The following S100A7A variants were observed in gnomAD, a reference collection of about 807,000 sequenced individuals.
The protein encoded by S100A7A is S100 calcium binding protein A7A.
Under a neutral mutation model 4.0 loss-of-function variants are expected in S100A7A, and 5 were observed. The observed-to-expected ratio is 1.26, with a 90% CI of 0.66 to 2.66. S100A7A has a LOEUF of 2.66. Ranked by LOEUF, S100A7A falls within the 30% of genes most tolerant of loss-of-function variation. The probability of loss-of-function intolerance (pLI) is 0.01; values close to 1 mark genes in which losing one functional copy is unlikely to be tolerated. For synonymous variants in S100A7A, 52 were observed against 46.4 expected (o/e 1.12, Z -0.49); for missense variants, 159 against 125.1 (o/e 1.27, Z -1.29).
In S100A7A at chr1:153,419,522, A is replaced by C; in HGVS notation, c.*213A>C. The C allele has an allele frequency of 5.0e-6, 3 of 601,168 alleles. No individual in the cohort carries two copies. The allele number at this position is 601,168 out of a possible 1,614,324, so 37.2% of individuals were successfully genotyped here. On this transcript the variant is annotated 3_prime_UTR_variant, in exon 3 of 3. Transcript: ENST00000368729. The stretch of plus-strand genomic sequence containing the variant: ...CAACGTTCCCCCTATGGCCTCCAGC[A>C]GAGCTGATCTGCCTCTCACACAGGT...
At position 153,416,545 on chromosome 1, in the gene S100A7A, G is replaced by T; in HGVS notation, c.-36G>T. 2.0e-6 allele frequency: 1 copy of T among 489,478 alleles called. No individual in the cohort carries two copies. 30.3% of individuals were successfully genotyped at this position (489,478 alleles called of 1,614,324 possible). ...ACACATCTCACTCATCCTTCTACTC[G>T]TGACACTTCCCAGTTCTGGTAAGTC... On this transcript the variant is annotated 5_prime_UTR_variant, in exon 1 of 3. Transcript: ENST00000368729.
Position 153,419,837 on chromosome 1 carries a change from G to A in S100A7A, c.*528G>A, listed in dbSNP as rs1394154815. ...GTTCAGCGCCCTTGGGGCTATGAAT[G>A]GGAGGCTCAGCAGTGCCCTGAGGAT... On this transcript the variant is annotated 3_prime_UTR_variant, in exon 3 of 3. Transcript: ENST00000368729. 6.5e-6 allele frequency: 1 copy of A among 154,668 alleles called. No homozygotes were observed. The highest frequency in any genetic ancestry group is 2.4e-5 in the African/African-American group (1 of 41,460). The allele number at this position is 154,668 out of a possible 1,614,324, so 9.6% of individuals were successfully genotyped here.
rs1395725800 is a variant in S100A7A, at chr1:153,422,312, GC to G, written c.*3004del. 1 of 155,206 alleles carries G rather than the reference GC, an allele frequency of 6.4e-6. No individual in the cohort carries two copies. Among genetic ancestry groups the G allele is most frequent in the Non-Finnish European group, 1.4e-5 (1 of 70,814 alleles). The allele number at this position is 155,206 out of a possible 1,614,324, so 9.6% of individuals were successfully genotyped here. On this transcript the variant is annotated 3_prime_UTR_variant, in exon 3 of 3. Transcript: ENST00000368729. Reference sequence around the variant, plus strand: ...AAAGAGTGTCAAGGAATAGGGTGGGGCAATGTGTCATTCTGCATTGGAAGGA... The same window carrying G: ...AAAGAGTGTCAAGGAATAGGGTGGGGAATGTGTCATTCTGCATTGGAAGGA...
Position 153,421,366 on chromosome 1 carries a change from A to G in S100A7A, c.*2057A>G, listed in dbSNP as rs897172156. ...TGGCTACATTACTTCAGATTCCCCT[A>G]ATGTCTTTCCAGCCAGACTTGGAAT... On this transcript the variant is annotated 3_prime_UTR_variant, in exon 3 of 3. Transcript: ENST00000368729. The G allele has an allele frequency of 1.3e-5, 2 of 152,042 alleles. No homozygotes were observed. The highest frequency in any genetic ancestry group is 4.8e-5 in the African/African-American group (2 of 41,376). 9.4% of individuals were successfully genotyped at this position (152,042 alleles called of 1,614,324 possible).
chr1:153,418,318 C>T (rs1166675175), intron 2 of S100A7A, 95 bp downstream of exon 2: 11 of 1,522,022 alleles, frequency 7.2e-6, no homozygotes, highest in Non-Finnish European at 9.8e-6. Context: ...CCCTCATCCT[C>T]TGATTAAAAA....
At chr1:153,416,754 C>A (rs577009938) in intron 1 of S100A7A, among the ~76,000 whole-genome samples, 191 bp downstream of exon 1, 1 of 152,234 alleles carries the variant, frequency 6.6e-6, no homozygotes, top group East Asian at 1.9e-4. Flanking sequence ...GGTGGCTGAA[C>A]CAGACCTGTC....
Position 153,418,010 on chromosome 1 carries a change from A to G in S100A7A, c.-17-56A>G, listed in dbSNP as rs1219885605. ...CCTCAGCCCTCCTTCTAACACCCCC[A>G]CATAGAGACCTTAATTCAAACTAAG... On this transcript the variant is annotated intron_variant, in intron 1 of 2. Coordinates refer to ENST00000368729, the MANE Select transcript of S100A7A (RefSeq NM_176823.4). 3.1e-6 allele frequency: 5 copies of G among 1,597,428 alleles called. No homozygotes were observed. In the East Asian group the frequency reaches 8.9e-5, roughly 29 times the overall value.
At position 153,420,750 on chromosome 1, in the gene S100A7A, C is replaced by G. The variant is rs1179438273; in HGVS notation, c.*1441C>G. 1.3e-5 allele frequency: 2 copies of G among 152,262 alleles called. No homozygotes were observed. Among genetic ancestry groups the G allele is most frequent in the Non-Finnish European group, 2.9e-5 (2 of 68,096 alleles). 9.4% of individuals were successfully genotyped at this position (152,262 alleles called of 1,614,324 possible). On this transcript the variant is annotated 3_prime_UTR_variant, in exon 3 of 3. Transcript: ENST00000368729. ...CTTCTCTCCCTTTCTCATTCTCATT[C>G]CACCTGTTCTTGGAACTCACGGAGA...
Position 153,422,600 on chromosome 1 carries a change from T to C in S100A7A, c.*3291T>C. ...ATCAAAACATTCCAATAACTTTTTTTTTTCAGGCGCAGTCTCACTCTGTCG... is the reference window on the plus strand; with the variant it reads ...ATCAAAACATTCCAATAACTTTTTTCTTTCAGGCGCAGTCTCACTCTGTCG... On this transcript the variant is annotated 3_prime_UTR_variant, in exon 3 of 3. Coordinates refer to ENST00000368729, the MANE Select transcript of S100A7A (RefSeq NM_176823.4). 1.1e-6 allele frequency: 1 copy of C among 925,748 alleles called. No individual in the cohort carries two copies. The highest frequency in any genetic ancestry group is 1.3e-6 in the Non-Finnish European group (1 of 775,550). 57.3% of individuals were successfully genotyped at this position (925,748 alleles called of 1,614,324 possible).
chr1:153,418,364 T>C, intron 2 of S100A7A, 141 bp downstream of exon 2: 1 of 1,147,760 alleles, frequency 8.7e-7, no homozygotes, highest in Non-Finnish European at 1.2e-6. Context: ...ATTGCTTGGA[T>C]CATATGTGAA....
rs1224946765 is a variant in S100A7A, at chr1:153,423,101, C to A, written c.*3792C>A. ...AGAGTTCTGACCAGCACCAGATAAG[C>A]TTCAGTGCTCTCCTTTCTTTGGCCT... On this transcript the variant is annotated 3_prime_UTR_variant, in exon 3 of 3. Transcript: ENST00000368729. 1 of 152,132 alleles carries A rather than the reference C, an allele frequency of 6.6e-6. No individual in the cohort carries two copies. The highest frequency in any genetic ancestry group is 1.5e-5 in the Non-Finnish European group (1 of 68,020). The allele number at this position is 152,132 out of a possible 1,614,324, so 9.4% of individuals were successfully genotyped here.
Position 153,422,558 on chromosome 1 carries a change from T to TC in S100A7A, c.*3253dup. On this transcript the variant is annotated 3_prime_UTR_variant, in exon 3 of 3. Transcript: ENST00000368729. ...AAAGAGATTCTGGAAATCCAAATGT[T>TC]CCCCAGAAATTCTGATATCAAAACA... The TC allele has an allele frequency of 2.0e-6, 2 of 984,836 alleles. No individual in the cohort carries two copies. The highest frequency in any genetic ancestry group is 2.4e-6 in the Non-Finnish European group (2 of 829,452). The allele number at this position is 984,836 out of a possible 1,614,324, so 61.0% of individuals were successfully genotyped here.
rs968245540 is a variant in S100A7A, at chr1:153,422,381, A to C, written c.*3072A>C. The C allele has an allele frequency of 7.6e-5, 29 of 383,426 alleles. No individual in the cohort carries two copies. Among genetic ancestry groups the C allele is most frequent in the Non-Finnish European group, 1.0e-4 (29 of 279,898 alleles). The allele number at this position is 383,426 out of a possible 1,614,324, so 23.8% of individuals were successfully genotyped here. A position where few individuals can be genotyped will look rare whatever the true frequency, so the allele number is the denominator to read the frequency against. ...GCCTAAGGGCACAGGTATTAGTGTC[A>C]TATTGATCAGAATTCAACCTTTGTT... On this transcript the variant is annotated 3_prime_UTR_variant, in exon 3 of 3. Coordinates refer to ENST00000368729, the MANE Select transcript of S100A7A (RefSeq NM_176823.4).
At chr1:153,416,679 A>T in intron 1 of S100A7A, 116 bp downstream of exon 1, 1 of 295,292 alleles carries the variant, frequency 3.4e-6, no homozygotes, top group East Asian at 9.5e-5. Context: ...GGTCTAGGCC[A>T]GCTCTGCCAT....
rs376432350 is a variant in S100A7A, at chr1:153,418,051, C to T, written c.-17-15C>T. On this transcript the variant is annotated splice_polypyrimidine_tract_variant and intron_variant, in intron 1 of 2. Coordinates refer to ENST00000368729, the MANE Select transcript of S100A7A (RefSeq NM_176823.4). Reference sequence around the variant, plus strand: ...TCAAACTAAGGTAAGAAATGATTGTCTTTATTTCCTGAAGGCTTTTTGAAA... The same window carrying T: ...TCAAACTAAGGTAAGAAATGATTGTTTTTATTTCCTGAAGGCTTTTTGAAA... 28 of 1,612,620 alleles carry T rather than the reference C, an allele frequency of 1.7e-5. No homozygotes were observed. The African/African-American group carries it at 3.5e-4, about 20-fold the overall frequency.
chr1:153,419,217 T>G lies in S100A7A; in HGVS notation c.214T>G (p.Phe72Val), dbSNP rs1432663970. The G allele has an allele frequency of 1.9e-6, 3 of 1,614,076 alleles. No homozygotes were observed. Among genetic ancestry groups the G allele is most frequent in the Admixed American group, 1.7e-5 (1 of 60,002 alleles). Residue 72 changes from phenylalanine (F) to valine (V), a missense_variant, in exon 3 of 3, where the codon TTT becomes GTT. Physicochemically the swap from Phe to Val is conservative, Grantham distance 50. Transcript: ENST00000368729. ...CAAGAATGAGGATAAGAAGATTGAT[T>G]TTTCTGAGTTTCTGTCCTTGCTGGG... ...KDKNEDKKID[F>V]SEFLSLLGDI...
Position 153,422,865 on chromosome 1 carries a change from T to C in S100A7A, c.*3556T>C, listed in dbSNP as rs537915134. On this transcript the variant is annotated 3_prime_UTR_variant, in exon 3 of 3. Coordinates refer to ENST00000368729, the MANE Select transcript of S100A7A (RefSeq NM_176823.4). Reference sequence around the variant, plus strand: ...GCAGAAAATCATAAAAGACCATGTGTTTGATAAACAACCAGATTGTTTCTG... The same window carrying C: ...GCAGAAAATCATAAAAGACCATGTGCTTGATAAACAACCAGATTGTTTCTG... 8.5e-5 allele frequency: 13 copies of C among 152,308 alleles called. No individual in the cohort carries two copies. The highest frequency in any genetic ancestry group is 3.1e-4 in the African/African-American group (13 of 41,564). 9.4% of individuals were successfully genotyped at this position (152,308 alleles called of 1,614,324 possible).
chr1:153,422,569 T>G lies in S100A7A; in HGVS notation c.*3260T>G. On this transcript the variant is annotated 3_prime_UTR_variant, in exon 3 of 3. Coordinates refer to ENST00000368729, the MANE Select transcript of S100A7A (RefSeq NM_176823.4). ...GGAAATCCAAATGTTCCCCAGAAAT[T>G]CTGATATCAAAACATTCCAATAACT... The G allele has an allele frequency of 2.0e-6, 2 of 983,492 alleles. No individual in the cohort carries two copies. Among genetic ancestry groups the G allele is most frequent in the Non-Finnish European group, 2.4e-6 (2 of 828,198 alleles). The allele number at this position is 983,492 out of a possible 1,614,324, so 60.9% of individuals were successfully genotyped here.
chr1:153,416,772 C>T (rs1662727557), intron 1 of S100A7A, among the ~76,000 whole-genome samples: 1 of 152,224 alleles, frequency 6.6e-6, no homozygotes, highest in Non-Finnish European at 1.5e-5. Context: ...GTCCATTGCT[C>T]CTTTGGGATC....
Sources: gnomAD v4.1 joint callset for allele counts (sites outside exome capture counted in the v4.1 genomes callset) on GRCh38, gnomAD v4.1.1 for gene constraint, MANE v1.5 for transcripts, NCBI Gene and HGNC (gene_info 2026-07-23, HGNC 2026-07-21) for gene names.